Variants in SHROOM3 observed in about 807,000 individuals in gnomAD.
SHROOM3 encodes shroom family member 3.
A neutral mutation model predicts 138.6 loss-of-function variants in SHROOM3; 47 were observed. The observed-to-expected ratio is 0.34, with a 90% CI of 0.27 to 0.43. The LOEUF is 0.43. Ranked by LOEUF, SHROOM3 falls within the 20% of genes least tolerant of loss-of-function variation. The pLI is 1.00. For missense variants in SHROOM3, 2,491 were observed against 2,596.5 expected, an observed-to-expected ratio of 0.96 and a Z score of 0.88; for synonymous variants, 1,062 against 1,063.3, an observed-to-expected ratio of 1.00 and a Z score of 0.02.
chr4:76,516,907 A>C (rs577603749), intron 1 of SHROOM3, among the ~76,000 whole-genome samples: 4 of 152,338 alleles, frequency 2.6e-5, no homozygotes, highest in African/African-American at 9.6e-5. Context: ...CCAAGCTTCC[A>C]TCATACCCAG....
At chr4:76,733,277 G>T (rs1018922056) in intron 4 of SHROOM3, among the ~76,000 whole-genome samples, 1 of 152,200 alleles carries the variant, frequency 6.6e-6, no homozygotes, top group African/African-American at 2.4e-5. Flanking sequence ...TCAAGGCTTT[G>T]CTTCTGCACC....
At chr4:76,523,716 AACT>A (rs1732617510) in intron 1 of SHROOM3, among the ~76,000 whole-genome samples, 1 of 152,224 alleles carries the variant, frequency 6.6e-6, no homozygotes, top group South Asian at 2.1e-4. Flanking sequence ...AGACAGTGCC[AACT>A]GTGCTTGGGA....
At chr4:76,736,538 C>T (rs113109003) in intron 4 of SHROOM3, among the ~76,000 whole-genome samples, 90 of 152,320 alleles carry the variant, frequency 5.9e-4, no homozygotes, top group African/African-American at 1.9e-3. Flanking sequence ...TTATCACATA[C>T]TTGACCAATA....
At chr4:76,455,709 T>G (rs1411306345) in intron 1 of SHROOM3, among the ~76,000 whole-genome samples, 1 of 152,112 alleles carries the variant, frequency 6.6e-6, no homozygotes, top group Non-Finnish European at 1.5e-5. Context: ...GAAATTAGAT[T>G]TTTTTTAACC....
intron 2 of SHROOM3, among the ~76,000 whole-genome samples, chr4:76,578,502 T>C (rs540195866): frequency 3.9e-4 from 60 of 152,336 alleles, no homozygotes; most frequent in African/African-American, 1.4e-3. Context: ...TTTACCATCA[T>C]TCTTTTTGGT....
chr4:76,438,206 A>G (rs185692859), intron 1 of SHROOM3, among the ~76,000 whole-genome samples: 34 of 152,330 alleles, frequency 2.2e-4, no homozygotes, highest in Non-Finnish European at 4.4e-4. Context: ...AAACCAAAAG[A>G]TGGCTCTATG....
intron 9 of SHROOM3, among the ~76,000 whole-genome samples, chr4:76,769,370 T>C (rs13130226): frequency 0.059 from 8,910 of 151,510 alleles, 289 homozygotes; most frequent in Non-Finnish European, 0.071. Context: ...CTAAAAAAGA[T>C]TGTCTTCTTT....
At chr4:76,657,524 A>G (rs1267128999) in intron 2 of SHROOM3, among the ~76,000 whole-genome samples, 1 of 152,136 alleles carries the variant, frequency 6.6e-6, no homozygotes, top group African/African-American at 2.4e-5. Flanking sequence ...ACTAGCGCTA[A>G]CATTTTTAAA....
intron 2 of SHROOM3, among the ~76,000 whole-genome samples, chr4:76,651,445 T>C (rs1272176966): frequency 1.1e-5 from 1 of 91,568 alleles, no homozygotes; most frequent in Non-Finnish European, 2.2e-5. Context: ...TATATATATA[T>C]ACCTACTATG....
At chr4:76,646,596 A>G (rs1194396031) in intron 2 of SHROOM3, among the ~76,000 whole-genome samples, 1 of 152,132 alleles carries the variant, frequency 6.6e-6, no homozygotes, top group African/African-American at 2.4e-5. Flanking sequence ...AGGGAAGACT[A>G]GATAAGGACA....
Position 76,741,682 on chromosome 4 carries a change from G to T in SHROOM3, c.3509G>T (p.Arg1170Leu). Residue 1170 changes from arginine to leucine, a missense_variant, in exon 5 of 11, where the codon CGC becomes CTC. By Grantham distance (102) the Arg-to-Leu change is moderately radical. Around this residue, in one of 4 missense-constraint regions of SHROOM3, gnomAD observed 1,733 missense variants for 1,661.6 expected, o/e 1.04. Coordinates refer to ENST00000296043, the MANE Select transcript of SHROOM3 (RefSeq NM_020859.4). The surrounding 1 kb of genome is among the most constrained non-coding windows in gnomAD (Gnocchi z 6.2). The stretch of plus-strand genomic sequence containing the variant: ...GAAACCCAGCAGGCTCCCCGAGATC[G>T]CAGCAGCTCCTTCGCCGGTGGCCGC... ...VAETQQAPRD[R>L]SSSFAGGRRL... 6.4e-7 allele frequency: 1 copy of T among 1,552,090 alleles called. No homozygotes were observed.
chr4:76,489,535 G>C (rs910165819), intron 1 of SHROOM3, among the ~76,000 whole-genome samples: 2 of 152,178 alleles, frequency 1.3e-5, no homozygotes, highest in Admixed American at 6.5e-5. Flanking sequence ...GCAGATGTCA[G>C]AGGAAGATAA....
At position 76,602,031 on chromosome 4, in the gene SHROOM3, C is replaced by A. The variant is rs142523880; in HGVS notation, c.323+46268C>A. ...TGTGGTGATAAAGAGAGCAGAAGAACGAAGTTGGTTGAGGAAATGCCTTCA... is the reference window on the plus strand; with the variant it reads ...TGTGGTGATAAAGAGAGCAGAAGAAAGAAGTTGGTTGAGGAAATGCCTTCA... On this transcript the variant is annotated intron_variant, in intron 2 of 10. Transcript: ENST00000296043. Among the ~76,000 whole-genome samples, 19 of 152,260 alleles carry A rather than the reference C, an allele frequency of 1.2e-4. No individual in the cohort carries two copies. In the East Asian group the frequency reaches 3.5e-3, roughly 28 times the overall value.
intron 1 of SHROOM3, among the ~76,000 whole-genome samples, chr4:76,531,877 A>G (rs1361321044): frequency 2.0e-5 from 3 of 151,776 alleles, no homozygotes; most frequent in Admixed American, 2.0e-4. Flanking sequence ...GGCCATTGGA[A>G]CAAATTCTAG....
chr4:76,644,340 C>T (rs1735761905), intron 2 of SHROOM3: 1 of 151,116 alleles, frequency 6.6e-6, no homozygotes, highest in Non-Finnish European at 1.5e-5. Flanking sequence ...CAACCTCTCT[C>T]CCGGATTCAA....
chr4:76,635,357 T>A lies in SHROOM3; in HGVS notation c.324-74799T>A, dbSNP rs528679924. 2.0e-5 allele frequency among the ~76,000 whole-genome samples: 3 copies of A among 152,284 alleles called. No homozygotes were observed. The South Asian group carries it at 6.2e-4, about 32-fold the overall frequency. ...AGAAAGTGTAAATCTCTTCTCCTAG[T>A]TTGAGACCTGCCCTCCTCTTCGTTT... On this transcript the variant is annotated intron_variant, in intron 2 of 10. Coordinates refer to ENST00000296043, the MANE Select transcript of SHROOM3 (RefSeq NM_020859.4).
rs867618875 is a variant in SHROOM3 at position 76,584,950 on chromosome 4, C to T, written c.323+29187C>T. Among the ~76,000 whole-genome samples, 3 of 152,278 alleles carry T rather than the reference C, an allele frequency of 2.0e-5. No individual in the cohort carries two copies. The Middle Eastern group carries it at 0.01, about 518-fold the overall frequency. On this transcript the variant is annotated intron_variant, in intron 2 of 10. Transcript: ENST00000296043. The stretch of plus-strand genomic sequence containing the variant: ...GATGATTCTGTGCCCCACCCCATTC[C>T]TATCCCACATTTGCCTCAATTTCAT...
intron 6 of SHROOM3, among the ~76,000 whole-genome samples, chr4:76,750,836 C>T (rs1721598812): frequency 6.6e-6 from 1 of 151,810 alleles, no homozygotes; most frequent in Non-Finnish European, 1.5e-5. Context: ...ACTTTCTGAG[C>T]TGTAAAAATG....
At chr4:76,654,898 T>G (rs1736034431) in intron 2 of SHROOM3, among the ~76,000 whole-genome samples, 1 of 152,188 alleles carries the variant, frequency 6.6e-6, no homozygotes, top group African/African-American at 2.4e-5. Flanking sequence ...TAGCCCAAAG[T>G]CACACAGCTA....
Sources: gnomAD v4.1 joint callset for allele counts (sites outside exome capture counted in the v4.1 genomes callset) on GRCh38, gnomAD v4.1.1 for gene constraint, gnomAD v4.1.1 regional missense constraint, Gnocchi (gnomAD v3.1) non-coding constraint, MANE v1.5 for transcripts, NCBI Gene and HGNC (gene_info 2026-07-23, HGNC 2026-07-21) for gene names.